GPI: variants seen among roughly 807,000 people sequenced by gnomAD.
GPI encodes D-hexose-6-phosphate anomerase.
A neutral mutation model predicts 75.8 loss-of-function variants in GPI; 56 were observed. The observed-to-expected ratio is 0.74, with a 90% CI of 0.60 to 0.92. The LOEUF is 0.92. Ranked by LOEUF, GPI falls within the 40% of genes least tolerant of loss-of-function variation. The pLI, the probability that GPI is intolerant of heterozygous loss-of-function variation, is 0.00. For synonymous variants in GPI, 288 were observed against 285.4 expected, an observed-to-expected ratio of 1.01 and a Z score of -0.09; for missense variants, 638 against 741.0, an observed-to-expected ratio of 0.86 and a Z score of 1.61.
At chr19:34,360,680 G>T (rs1404595903), upstream of GPI, among the ~76,000 whole-genome samples, 2 of 152,166 alleles carry the variant, frequency 1.3e-5, no homozygotes, top group African/African-American at 4.8e-5. Context: ...TTTTTCCTAG[G>T]ACTGAAGAGG....
chr19:34,398,712 CTT>C (rs1196506243), intron 14 of GPI: 27 of 143,314 alleles, frequency 1.9e-4, no homozygotes, highest in Non-Finnish European at 2.3e-4. Context: ...GTGTGTAGTT[CTT>C]TTTTTTTTTT....
chr19:34,390,655 G>A (rs763323306), intron 9 of GPI, among the ~76,000 whole-genome samples: 3 of 150,682 alleles, frequency 2.0e-5, no homozygotes, highest in Non-Finnish European at 4.4e-5. Flanking sequence ...GTAACATCTA[G>A]TACAGGTATG....
chr19:34,368,787 CTCT>C (rs764369994), intron 4 of GPI, 85 bp downstream of exon 4: 21 of 1,503,252 alleles, frequency 1.4e-5, no homozygotes, highest in South Asian at 3.4e-5. Context: ...CAGCTCTTCC[CTCT>C]TCTTGTAGGC....
chr19:34,381,720 G>A (rs577070633), intron 9 of GPI: 25 of 637,936 alleles, frequency 3.9e-5, no homozygotes, highest in African/African-American at 1.3e-4. Flanking sequence ...ACCTGAGGGC[G>A]GGCTGAGCTT....
chr19:34,365,072 C>G, upstream of GPI: 1 of 1,477,394 alleles, frequency 6.8e-7, no homozygotes, highest in Non-Finnish European at 9.0e-7. Flanking sequence ...CAAGGTCGCT[C>G]AGCGGGCACC....
upstream of GPI, among the ~76,000 whole-genome samples, chr19:34,362,648 T>C (rs558129459): frequency 6.6e-6 from 1 of 152,208 alleles, no homozygotes; most frequent in East Asian, 1.9e-4. Flanking sequence ...GAATCGTTGG[T>C]TTACATTCTA....
At chr19:34,377,301 C>CAAAAAAAAAAAAAAAAAAAA (rs1169701523) in intron 4 of GPI, among the ~76,000 whole-genome samples, 1 of 15,468 alleles carries the variant, frequency 6.5e-5, no homozygotes, top group Non-Finnish European at 9.9e-5. Flanking sequence ...GGCTTCATCT[C>CAAAAAAAAAAAAAAAAAAAA]AAAAAAAAAA....
At chr19:34,361,056 G>T (rs765123104), upstream of GPI, among the ~76,000 whole-genome samples, 1 of 151,896 alleles carries the variant, frequency 6.6e-6, no homozygotes, top group Non-Finnish European at 1.5e-5. Flanking sequence ...GGGATTACAG[G>T]TGTGAGTCAC....
chr19:34,399,712 T>C lies in GPI; in HGVS notation c.1475-7T>C. ...GCCCTGATGTGCCCTGTCTGTCACT[T>C]CTGCAGCCATGTATGAGCACAAGAT... is the stretch of plus-strand genomic sequence containing the variant. On this transcript the variant is annotated splice_region_variant and splice_polypyrimidine_tract_variant and intron_variant, in intron 16 of 17. Transcript: ENST00000356487. 2 of 1,614,108 alleles carry C rather than the reference T, an allele frequency of 1.2e-6. No homozygotes were observed. The highest frequency in any genetic ancestry group is 4.5e-5 in the East Asian group (2 of 44,872).
At position 34,401,369 on chromosome 19, in the gene GPI, C is replaced by T. The variant is rs540588236; in HGVS notation, c.*1333C>T. The T allele has an allele frequency of 2.6e-5, 4 of 152,308 alleles. No individual in the cohort carries two copies. Among genetic ancestry groups the T allele is most frequent in the African/African-American group, 9.6e-5 (4 of 41,562 alleles). The allele number at this position is 152,308 out of a possible 1,614,324, so 9.4% of individuals were successfully genotyped here. ...TGTAGCTGGGAGTACAGGCACCTGCCACCATGCCCGGCTAATTTTTTATAT... is the reference window on the plus strand; with the variant it reads ...TGTAGCTGGGAGTACAGGCACCTGCTACCATGCCCGGCTAATTTTTTATAT... On this transcript the variant is annotated 3_prime_UTR_variant, in exon 18 of 18. Transcript: ENST00000356487.
chr19:34,393,756 G>C lies in GPI; in HGVS notation c.894G>C (p.Ser298=). 1 of 1,613,016 alleles carries C rather than the reference G, an allele frequency of 6.2e-7. No homozygotes were observed. The highest frequency in any genetic ancestry group is 8.5e-7 in the Non-Finnish European group (1 of 1,179,926). ...VGFDNFEQLL[S]GAHWMDQHFR... ...TTGACAACTTCGAGCAGCTGCTCTCGGGGGCTCACTGGATGGTGAGTGCTG... is the reference window on the plus strand; with the variant it reads ...TTGACAACTTCGAGCAGCTGCTCTCCGGGGCTCACTGGATGGTGAGTGCTG... The change falls in exon 11 of 18, where the codon TCG becomes TCC. Residue 298 remains serine (S), a synonymous_variant. Coordinates refer to ENST00000356487, the MANE Select transcript of GPI (RefSeq NM_000175.5). The surrounding 1 kb of genome is among the most constrained non-coding windows in gnomAD (Gnocchi z 4.4).
chr19:34,398,051 G>GTT (rs527704087), intron 14 of GPI: 8,224 of 138,312 alleles, frequency 0.059, 292 homozygotes, highest in Admixed American at 0.12. Context: ...GCCTGGCTAA[G>GTT]TTTTTTTTTT....
chr19:34,386,859 T>G (rs1322270512), intron 9 of GPI, among the ~76,000 whole-genome samples: 2 of 152,026 alleles, frequency 1.3e-5, no homozygotes. Flanking sequence ...TAGTCACAAG[T>G]TGGTAGAACT....
At chr19:34,364,869 A>G (rs1006729578), upstream of GPI, 3 of 1,033,704 alleles carry the variant, frequency 2.9e-6, no homozygotes, top group Non-Finnish European at 4.1e-6. Context: ...TGTCGAATGA[A>G]TGAATGAAGC....
At chr19:34,382,564 CTG>C (rs2074671064) in intron 9 of GPI, among the ~76,000 whole-genome samples, 1 of 152,112 alleles carries the variant, frequency 6.6e-6, no homozygotes, top group Non-Finnish European at 1.5e-5. Flanking sequence ...TCAAGAGAGA[CTG>C]TGCGGCTTCT....
At chr19:34,378,740 T>C (rs1044806518) in intron 6 of GPI, among the ~76,000 whole-genome samples, 194 bp from the exon 7 acceptor site, 10 of 151,892 alleles carry the variant, frequency 6.6e-5, no homozygotes, top group African/African-American at 2.2e-4. Flanking sequence ...TTGGGGGGTG[T>C]GTTTACCGTC....
chr19:34,372,263 C>T (rs1020701560), intron 4 of GPI, among the ~76,000 whole-genome samples: 3 of 152,132 alleles, frequency 2.0e-5, no homozygotes, highest in African/African-American at 7.2e-5. Flanking sequence ...TTTTGTCACA[C>T]GCCTGTGAGG....
chr19:34,361,247 C>A (rs61478662), upstream of GPI, among the ~76,000 whole-genome samples: 14,744 of 152,138 alleles, frequency 0.097, 1,135 homozygotes, highest in African/African-American at 0.2. Context: ...CCCGCCACCA[C>A]GTCCAGCTAA....
chr19:34,366,710 C>A, intron 2 of GPI, 73 bp from the exon 3 acceptor site: 2 of 1,022,596 alleles, frequency 2.0e-6, no homozygotes, highest in East Asian at 2.4e-5. Context: ...CAGCACCAAG[C>A]CTTGTGTTTG....
Sources: allele counts gnomAD v4.1 joint callset (sites outside exome capture counted in the v4.1 genomes callset), GRCh38; gene constraint gnomAD v4.1.1; non-coding constraint Gnocchi (gnomAD v3.1); transcripts MANE v1.5; gene names NCBI Gene and HGNC (gene_info 2026-07-23, HGNC 2026-07-21).